Variants in HGD observed in about 807,000 individuals in gnomAD.
HGD encodes the protein homogentisate 1,2-dioxygenase, also known as homogentisate oxidase.
In HGD, 61 loss-of-function variants were observed where a neutral mutation model predicts 60.8. That is an observed-to-expected ratio of 1.00 (90% CI 0.82 to 1.24). HGD has a LOEUF of 1.24. HGD is among the 50% of genes most tolerant of loss of function. The pLI, the probability that HGD is intolerant of heterozygous loss-of-function variation, is 0.00. For missense variants in HGD, 542 were observed against 547.1 expected (o/e 0.99, Z 0.09); for synonymous variants, 212 against 187.7 (o/e 1.13, Z -1.06).
intron 1 of HGD, among the ~76,000 whole-genome samples, chr3:120,681,019 T>G (rs1708221485): frequency 6.6e-6 from 1 of 152,220 alleles, no homozygotes; most frequent in African/African-American, 2.4e-5. Context: ...AGAGTTAACT[T>G]TTAGTCAGGC....
At chr3:120,667,819 T>G (rs1195118463) in intron 4 of HGD, among the ~76,000 whole-genome samples, 5 of 152,180 alleles carry the variant, frequency 3.3e-5, no homozygotes, top group Non-Finnish European at 4.4e-5. Flanking sequence ...AAACAATAAT[T>G]TAAATTATCC....
chr3:120,662,825 T>C (rs1431189216), intron 4 of HGD, among the ~76,000 whole-genome samples: 1 of 152,180 alleles, frequency 6.6e-6, no homozygotes, highest in African/African-American at 2.4e-5. Context: ...ATTCATATGT[T>C]GAACTCCTAA....
intron 13 of HGD, among the ~76,000 whole-genome samples, chr3:120,630,798 T>TTATATATATATATATATATATATATA (rs61375071): frequency 4.7e-4 from 41 of 87,984 alleles, no homozygotes; most frequent in African/African-American, 9.3e-4. Context: ...CTTAAGAGCT[T>TTATATATATATATATATATATATATA]TATATATATA....
chr3:120,662,704 T>C (rs1164776732), intron 4 of HGD, among the ~76,000 whole-genome samples: 2 of 152,154 alleles, frequency 1.3e-5, no homozygotes, highest in African/African-American at 2.4e-5. Flanking sequence ...CAACTATCCC[T>C]TCATCTCTAA....
chr3:120,628,962 G>T (rs577259466), intron 13 of HGD, among the ~76,000 whole-genome samples: 1 of 152,288 alleles, frequency 6.6e-6, no homozygotes, highest in African/African-American at 2.4e-5. Flanking sequence ...AAGGCTGAGA[G>T]CTGGGAAACG....
At chr3:120,674,752 T>C in intron 3 of HGD, 149 bp downstream of exon 3, 2 of 667,180 alleles carry the variant, frequency 3.0e-6, no homozygotes, top group Admixed American at 2.0e-5. Context: ...AGGAAGTTCA[T>C]TCTCTTCTGA....
intron 4 of HGD, among the ~76,000 whole-genome samples, chr3:120,658,544 G>C (rs767082246): frequency 2.0e-5 from 3 of 152,186 alleles, no homozygotes; most frequent in Admixed American, 6.5e-5. Flanking sequence ...AGTGCCTGTG[G>C]CTTTTTCAGG....
At chr3:120,628,631 A>G (rs1442941505) in intron 13 of HGD, 102 bp from the exon 14 acceptor site, 7 of 1,327,122 alleles carry the variant, frequency 5.3e-6, no homozygotes, top group East Asian at 2.3e-5. Context: ...AAATCTTCCA[A>G]TAACAAATCA....
rs2107522912 is a variant in HGD at position 120,653,196 on chromosome 3, C to T, written c.283-545G>A. On this transcript the variant is annotated intron_variant, in intron 4 of 13. Transcript: ENST00000283871. ...GTAAATGCAGTACCAGGTTCAGCTGCTTCACCAAACCCCACGTTTGTCCCT... is the reference window on the plus strand; with the variant it reads ...GTAAATGCAGTACCAGGTTCAGCTGTTTCACCAAACCCCACGTTTGTCCCT... 2.6e-5 allele frequency among the ~76,000 whole-genome samples: 4 copies of T among 152,328 alleles called. No individual in the cohort carries two copies. The South Asian group carries it at 8.3e-4, about 32-fold the overall frequency.
intron 4 of HGD, among the ~76,000 whole-genome samples, chr3:120,668,845 C>T (rs908770389): frequency 6.6e-6 from 1 of 152,114 alleles, no homozygotes; most frequent in African/African-American, 2.4e-5. Context: ...TGTTTTTCTT[C>T]CTGCCCTACA....
At chr3:120,679,364 T>C (rs1203173207) in intron 1 of HGD, among the ~76,000 whole-genome samples, 2 of 152,142 alleles carry the variant, frequency 1.3e-5, no homozygotes, top group African/African-American at 4.8e-5. Context: ...ATTTTTTTTT[T>C]CTGTGGAAAA....
intron 4 of HGD, 48 bp downstream of exon 4, chr3:120,670,379 T>G: frequency 1.1e-6 from 1 of 912,236 alleles, no homozygotes; most frequent in Non-Finnish European, 1.9e-6. Context: ...GTATTTCTAG[T>G]CAAGGCTTTG....
At chr3:120,641,036 G>A (rs1021368959) in intron 11 of HGD, among the ~76,000 whole-genome samples, 1 of 152,176 alleles carries the variant, frequency 6.6e-6, no homozygotes. Context: ...CCTGCGAACT[G>A]AGTGAAAAAT....
rs1352452997 is a variant in HGD, at chr3:120,641,616, A to G, written c.852T>C (p.Val284=). The G allele has an allele frequency of 6.2e-7, 1 of 1,613,822 alleles. No homozygotes were observed. The part of the protein sequence containing the change: ...PYKYNLKNFM[V]INSVAFDHAD... The stretch of plus-strand genomic sequence containing the variant: ...CATGGTCAAAGGCCACTGAGTTGAT[A>G]ACCATGAAATTCTTCAGGTTGTACT... The change falls in exon 11 of 14, where the codon GTT becomes GTC. Residue 284 remains valine, a synonymous_variant. Coordinates refer to ENST00000283871, the MANE Select transcript of HGD (RefSeq NM_000187.4).
chr3:120,665,616 T>C (rs1454380218), intron 4 of HGD, among the ~76,000 whole-genome samples: 1 of 152,250 alleles, frequency 6.6e-6, no homozygotes, highest in East Asian at 1.9e-4. Context: ...CATTAATTCT[T>C]GGATAACTGA....
chr3:120,628,256 T>A lies in HGD; in HGVS notation c.*124A>T, dbSNP rs1940481162. On this transcript the variant is annotated 3_prime_UTR_variant, in exon 14 of 14. Transcript: ENST00000283871. The stretch of plus-strand genomic sequence containing the variant: ...ATGCGTTTCCATAAAAGTTCTGAGT[T>A]ACTTGACTATGAAAAGTGAATTTTC... 5 of 1,088,130 alleles carry A rather than the reference T, an allele frequency of 4.6e-6. 1 individual carries two copies. In the Admixed American group the frequency reaches 8.7e-5, roughly 19 times the overall value. 67.4% of individuals were successfully genotyped at this position (1,088,130 alleles called of 1,614,324 possible).
chr3:120,671,704 C>A (rs892198302), intron 3 of HGD, among the ~76,000 whole-genome samples: 34 of 152,174 alleles, frequency 2.2e-4, no homozygotes, highest in Admixed American at 2.6e-4. Context: ...TTTATTGCAG[C>A]ACTATTCACA....
intron 9 of HGD, 53 bp from the exon 10 acceptor site, chr3:120,644,496 A>T: frequency 1.2e-6 from 2 of 1,612,682 alleles, no homozygotes; most frequent in Non-Finnish European, 1.7e-6. Flanking sequence ...CATAGGAAAG[A>T]TGCCCATGGT....
At chr3:120,650,578 C>T (rs1419235453) in intron 6 of HGD, among the ~76,000 whole-genome samples, 196 bp downstream of exon 6, 1 of 152,192 alleles carries the variant, frequency 6.6e-6, no homozygotes, top group Non-Finnish European at 1.5e-5. Context: ...GATGTTCAGT[C>T]AAGATAAATG....
Sources: gnomAD v4.1 joint callset for allele counts (sites outside exome capture counted in the v4.1 genomes callset) on GRCh38, gnomAD v4.1.1 for gene constraint, MANE v1.5 for transcripts, NCBI Gene and HGNC (gene_info 2026-07-23, HGNC 2026-07-21) for gene names.